The following CLVS1 variants were observed in gnomAD, a reference collection of about 807,000 sequenced individuals.
The protein encoded by CLVS1 is clavesin 1, also known as clavesin-1.
A neutral mutation model predicts 33.1 loss-of-function variants in CLVS1; 10 were observed. The ratio of observed to expected loss-of-function variants is 0.30; its 90% CI spans 0.19 to 0.51. The LOEUF (loss-of-function observed/expected upper bound fraction) is 0.51, where lower values mean the gene tolerates loss of function less well. CLVS1 is among the 20% of genes least tolerant of loss of function. The pLI, the probability that CLVS1 is intolerant of heterozygous loss-of-function variation, is 0.97. For missense variants in CLVS1, 343 were observed against 433.4 expected, an observed-to-expected ratio of 0.79 and a Z score of 1.85; for synonymous variants, 163 against 166.1, an observed-to-expected ratio of 0.98 and a Z score of 0.14.
intron 2 of CLVS1, among the ~76,000 whole-genome samples, chr8:61,143,497 C>T (rs1226380495): frequency 1.3e-5 from 2 of 152,062 alleles, no homozygotes; most frequent in Admixed American, 6.6e-5. Context: ...CAGAGAACCA[C>T]CCAGAACATG....
intron 3 of CLVS1, among the ~76,000 whole-genome samples, chr8:61,450,124 T>C (rs1489138091): frequency 1.3e-5 from 2 of 152,142 alleles, no homozygotes; most frequent in South Asian, 4.1e-4. Context: ...GAGTGATGTG[T>C]TTTAAATTTG....
chr8:61,190,896 A>C (rs1037396805), intron 2 of CLVS1, among the ~76,000 whole-genome samples: 1 of 152,162 alleles, frequency 6.6e-6, no homozygotes, highest in Non-Finnish European at 1.5e-5. Context: ...CTTACCAATC[A>C]AAAAAAGTCT....
chr8:61,110,312 A>G (rs921980072), intron 1 of CLVS1, among the ~76,000 whole-genome samples: 3 of 152,078 alleles, frequency 2.0e-5, no homozygotes, highest in African/African-American at 7.2e-5. Context: ...AGACAAGACC[A>G]CATCCTGCCA....
the CLVS1 span, among the ~76,000 whole-genome samples, chr8:61,011,211 A>G: frequency 6.6e-6 from 1 of 152,174 alleles, no homozygotes; most frequent in Non-Finnish European, 1.5e-5. Flanking sequence ...GGCTGCAGTG[A>G]GCTATGATTG....
At chr8:60,971,651 G>A in the CLVS1 span, among the ~76,000 whole-genome samples, 3,294 of 152,196 alleles carry the variant, frequency 0.022, 67 homozygotes, top group African/African-American at 0.044. Flanking sequence ...CTGTGAAAAT[G>A]AGCCTCTCAG....
chr8:61,501,134 A>AAT lies in CLVS1; in HGVS notation c.*1594_*1595dup, dbSNP rs1434523638. 1 of 152,158 alleles carries AAT rather than the reference A, an allele frequency of 6.6e-6. No homozygotes were observed. The highest frequency in any genetic ancestry group is 1.5e-5 in the Non-Finnish European group (1 of 68,018). The allele number at this position is 152,158 out of a possible 1,614,324, so 9.4% of individuals were successfully genotyped here. Reference sequence around the variant, plus strand: ...TTGTGTAGACATACGAAATCACAAAAATAATAACACTGAAATAATTCTACC... The same window carrying AAT: ...TTGTGTAGACATACGAAATCACAAAAATATAATAACACTGAAATAATTCTACC... On this transcript the variant is annotated 3_prime_UTR_variant, in exon 6 of 6. Coordinates refer to ENST00000325897, the MANE Select transcript of CLVS1 (RefSeq NM_173519.3).
intron 1 of CLVS1, among the ~76,000 whole-genome samples, chr8:61,117,532 T>A (rs1805753232): frequency 6.7e-6 from 1 of 150,080 alleles, no homozygotes; most frequent in Non-Finnish European, 1.5e-5. Flanking sequence ...TCTTATTATT[T>A]TGAAATACAT....
intron 1 of CLVS1, among the ~76,000 whole-genome samples, chr8:61,094,084 A>G (rs908717462): frequency 2.0e-5 from 3 of 152,198 alleles, no homozygotes; most frequent in Non-Finnish European, 4.4e-5. Context: ...AGGAAAATGC[A>G]TCTCTCTTTT....
intron 3 of CLVS1, among the ~76,000 whole-genome samples, chr8:61,378,669 G>C (rs1585886228): frequency 6.6e-6 from 1 of 152,158 alleles, no homozygotes; most frequent in African/African-American, 2.4e-5. Context: ...ATGCTTTTTA[G>C]CTTGTTGACT....
chr8:61,233,366 A>G (rs1024419869), intron 2 of CLVS1, among the ~76,000 whole-genome samples: 2 of 152,172 alleles, frequency 1.3e-5, no homozygotes, highest in Non-Finnish European at 2.9e-5. Flanking sequence ...AGGTACAAAC[A>G]GGGAATGGAT....
intron 5 of CLVS1, among the ~76,000 whole-genome samples, chr8:61,474,790 G>A (rs1316663727): frequency 6.6e-6 from 1 of 151,832 alleles, no homozygotes; most frequent in Non-Finnish European, 1.5e-5. Flanking sequence ...GTGAAGCAGG[G>A]CAAGTCTTTT....
chr8:61,166,773 A>G (rs1806874502), intron 2 of CLVS1, among the ~76,000 whole-genome samples: 1 of 152,072 alleles, frequency 6.6e-6, no homozygotes. Flanking sequence ...AGGAATTTCT[A>G]CTGTTTGCCC....
intron 3 of CLVS1, among the ~76,000 whole-genome samples, chr8:61,449,431 C>T (rs1187899996): frequency 6.6e-6 from 1 of 152,166 alleles, no homozygotes; most frequent in African/African-American, 2.4e-5. Context: ...TTCTGGCTCT[C>T]TACTTGGCCT....
chr8:61,308,381 T>G (rs1360724058), intron 2 of CLVS1, among the ~76,000 whole-genome samples: 1 of 151,802 alleles, frequency 6.6e-6, no homozygotes, highest in South Asian at 2.1e-4. Flanking sequence ...AGCCCCTGAG[T>G]GGTTAGATGT....
At chr8:61,047,271 C>T in the CLVS1 span, among the ~76,000 whole-genome samples, 7 of 152,184 alleles carry the variant, frequency 4.6e-5, no homozygotes, top group Admixed American at 1.3e-4. Flanking sequence ...CATCTCACAA[C>T]AGTTAGAATG....
Position 61,175,043 on chromosome 8 carries a change from G to A in CLVS1, c.-152+43183G>A. Among the ~76,000 whole-genome samples the A allele has an allele frequency of 1.3e-5, 2 of 152,138 alleles. 1 individual carries two copies. The highest frequency in any genetic ancestry group is 3.8e-4 in the East Asian group (2 of 5,198). On this transcript the variant is annotated intron_variant, in intron 2 of 2. Coordinates refer to the CLVS1 transcript ENST00000522621. ...GGCTTGCAAGTCCTAGGATGTTGAG[G>A]TCTAATAGTGACTCTACTTAGTAAG...
At chr8:61,064,939 G>A (rs1804649092) in intron 1 of CLVS1, among the ~76,000 whole-genome samples, 1 of 152,232 alleles carries the variant, frequency 6.6e-6, no homozygotes, top group Admixed American at 6.5e-5. Flanking sequence ...CTGACCTCAG[G>A]TGATCCGCAC....
Position 61,335,449 on chromosome 8 carries a change from A to G in CLVS1, c.455+35167A>G, listed in dbSNP as rs183261001. Among the ~76,000 whole-genome samples the G allele has an allele frequency of 1.3e-5, 2 of 152,310 alleles. 1 individual carries two copies. Among genetic ancestry groups the G allele is most frequent in the Admixed American group, 1.3e-4 (2 of 15,298 alleles). ...TTAGATCTCTTTCACTGTCTGTCAT[A>G]ATTTTGCAAAGGCAGTTTCAAAACC... On this transcript the variant is annotated intron_variant, in intron 2 of 5. Coordinates refer to ENST00000325897, the MANE Select transcript of CLVS1 (RefSeq NM_173519.3).
intron 2 of CLVS1, among the ~76,000 whole-genome samples, chr8:61,146,759 G>A (rs929466904): frequency 2.0e-5 from 3 of 152,210 alleles, no homozygotes; most frequent in African/African-American, 7.2e-5. Context: ...TGCTGGCTGA[G>A]CTTCACCAGC....
Sources: allele counts gnomAD v4.1 joint callset (sites outside exome capture counted in the v4.1 genomes callset), GRCh38; gene constraint gnomAD v4.1.1; transcripts MANE v1.5; gene names NCBI Gene and HGNC (gene_info 2026-07-23, HGNC 2026-07-21).